PRUNE2: variants seen among roughly 807,000 people sequenced by gnomAD.
The protein encoded by PRUNE2 is protein prune homolog 2.
A neutral mutation model predicts 252.0 loss-of-function variants in PRUNE2; 164 were observed. The observed-to-expected ratio is 0.65, with a 90% CI of 0.57 to 0.74. PRUNE2 has a LOEUF of 0.74. PRUNE2 is among the 30% of genes least tolerant of loss of function. The pLI, the probability that PRUNE2 is intolerant of heterozygous loss-of-function variation, is 0.00. For synonymous variants in PRUNE2, 1,292 were observed against 1,350.2 expected, an observed-to-expected ratio of 0.96 and a Z score of 0.94; for missense variants, 3,495 against 3,711.0, an observed-to-expected ratio of 0.94 and a Z score of 1.51.
At chr9:76,722,548 A>T (rs1233587147) in intron 6 of PRUNE2, among the ~76,000 whole-genome samples, 2 of 152,220 alleles carry the variant, frequency 1.3e-5, no homozygotes, top group Non-Finnish European at 2.9e-5. Context: ...TGAAAATTAA[A>T]ACTACTACAA....
chr9:76,814,567 C>T (rs186044579), intron 6 of PRUNE2, among the ~76,000 whole-genome samples: 3 of 152,280 alleles, frequency 2.0e-5, no homozygotes, highest in Admixed American at 2.0e-4. Context: ...TGACCTGCTA[C>T]ACAGCAATAG....
chr9:76,746,699 G>A lies in PRUNE2; in HGVS notation c.757-32978C>T, dbSNP rs1394457322. ...CGCAGTCCGGCCTGGGCAACAGAGC[G>A]AGACTCCGTCTCAAAAAAAAAAAAA... On this transcript the variant is annotated intron_variant, in intron 6 of 18. Coordinates refer to ENST00000376718, the MANE Select transcript of PRUNE2 (RefSeq NM_015225.3). Among the ~76,000 whole-genome samples, 14 of 102,734 alleles carry A rather than the reference G, an allele frequency of 1.4e-4. No individual in the cohort carries two copies. The South Asian group carries it at 4.9e-3, about 36-fold the overall frequency. 67.4% of individuals were successfully genotyped at this position (102,734 alleles called of 152,430 possible). A position where few individuals can be genotyped will look rare whatever the true frequency, so the allele number is the denominator to read the frequency against.
At chr9:76,684,990 G>C (rs961393075) in intron 9 of PRUNE2, among the ~76,000 whole-genome samples, 6 of 152,234 alleles carry the variant, frequency 3.9e-5, no homozygotes, top group African/African-American at 1.4e-4. Context: ...GACCTCAAGT[G>C]ATCCACCCTG....
chr9:76,643,746 T>C (rs915402865), intron 12 of PRUNE2, among the ~76,000 whole-genome samples: 2 of 152,216 alleles, frequency 1.3e-5, no homozygotes, highest in African/African-American at 4.8e-5. Context: ...CTGATACTTA[T>C]GTGGGGGTAG....
intron 17 of PRUNE2, among the ~76,000 whole-genome samples, chr9:76,623,310 T>C (rs543575087): frequency 6.6e-6 from 1 of 152,112 alleles, no homozygotes; most frequent in East Asian, 1.9e-4. Context: ...TTTTTTTTTT[T>C]TTTGAGATGG....
At chr9:76,785,627 T>C (rs2054894952) in intron 6 of PRUNE2, 1 of 152,184 alleles carries the variant, frequency 6.6e-6, no homozygotes, top group Non-Finnish European at 1.5e-5. Flanking sequence ...GTGTTTGTCC[T>C]TGTAGTTAAT....
chr9:76,745,889 C>T (rs2050061587), intron 6 of PRUNE2, among the ~76,000 whole-genome samples: 1 of 152,200 alleles, frequency 6.6e-6, no homozygotes, highest in South Asian at 2.1e-4. Flanking sequence ...GCATGTGATT[C>T]AAGCTGCACT....
chr9:76,708,720 ACCTGATTTG>A lies in PRUNE2; in HGVS notation c.3545_3553del (p.Ala1182_Gln1184del). On this transcript the variant is annotated inframe_deletion, in exon 8 of 19. Coordinates refer to ENST00000376718, the MANE Select transcript of PRUNE2 (RefSeq NM_015225.3). ...ATCAGAGGCAGGGAGCTCCCAATCT[ACCTGATTTG>A]CTTCCTGATACTCCAAGCCCCAGGG... 6.2e-7 allele frequency: 1 copy of A among 1,613,774 alleles called. No homozygotes were observed. The highest frequency in any genetic ancestry group is 2.2e-5 in the East Asian group (1 of 44,838).
chr9:76,830,895 A>AT (rs1310984060), intron 4 of PRUNE2, among the ~76,000 whole-genome samples: 1 of 151,878 alleles, frequency 6.6e-6, no homozygotes, highest in Admixed American at 6.6e-5. Flanking sequence ...ATATAAAACA[A>AT]TTGCCCATCT....
Position 76,637,429 on chromosome 9 carries a change from C to G in PRUNE2, c.8952G>C (p.Met2984Ile), listed in dbSNP as rs1840651428. The change falls in exon 14 of 19, where the codon ATG becomes ATC. Residue 2984 changes from methionine (M) to isoleucine (I), a missense_variant. Transcript: ENST00000376718. ...GLGWMKKCYQ[M>I]IDRRLRKNLK... ...TAGAGCCCACATACCGTCTGTCAAT[C>G]ATCTGGTAGCATTTCTTCATCCAGC... 6.2e-7 allele frequency: 1 copy of G among 1,613,596 alleles called. No homozygotes were observed. The highest frequency in any genetic ancestry group is 8.5e-7 in the Non-Finnish European group (1 of 1,179,752).
chr9:76,688,261 CAAAG>C (rs1276725008), intron 9 of PRUNE2, among the ~76,000 whole-genome samples: 1 of 152,166 alleles, frequency 6.6e-6, no homozygotes, highest in Non-Finnish European at 1.5e-5. Flanking sequence ...CTCTTGGCAA[CAAAG>C]AAAGTGTAGT....
intron 6 of PRUNE2, among the ~76,000 whole-genome samples, chr9:76,774,107 T>G (rs2053422735): frequency 6.6e-6 from 1 of 152,118 alleles, no homozygotes; most frequent in Non-Finnish European, 1.5e-5. Flanking sequence ...GGGAAAAGAA[T>G]AGGTTTGATT....
chr9:76,652,675 T>C lies in PRUNE2; in HGVS notation c.8365A>G (p.Asn2789Asp). 1 of 1,607,214 alleles carries C rather than the reference T, an allele frequency of 6.2e-7. No individual in the cohort carries two copies. The highest frequency in any genetic ancestry group is 8.5e-7 in the Non-Finnish European group (1 of 1,174,024). The change falls in exon 11 of 19, where the codon AAT becomes GAT. Residue 2789 changes from asparagine (N) to aspartate (D), a missense_variant. By Grantham distance (23) the Asn-to-Asp change is conservative. Transcript: ENST00000376718. ...SAADMRPEPPNSLDLNDTHPR... is the reference protein window; with the variant it reads ...SAADMRPEPPDSLDLNDTHPR... ...TGAGTGTCATTAAGATCCAGAGAATTAGGAGGTTCTAAAGAAGAAAGAGAA... is the reference window on the plus strand; with the variant it reads ...TGAGTGTCATTAAGATCCAGAGAATCAGGAGGTTCTAAAGAAGAAAGAGAA...
At chr9:76,773,173 T>C (rs2053304031) in intron 6 of PRUNE2, among the ~76,000 whole-genome samples, 1 of 152,176 alleles carries the variant, frequency 6.6e-6, no homozygotes, top group Non-Finnish European at 1.5e-5. Context: ...AAGCGGTCTT[T>C]TGTTGTTGTT....
intron 1 of PRUNE2, among the ~76,000 whole-genome samples, chr9:76,863,667 A>G (rs896596415): frequency 3.3e-5 from 5 of 152,172 alleles, no homozygotes; most frequent in Non-Finnish European, 7.3e-5. Flanking sequence ...TCTGTACAAT[A>G]TTTTCCCCAA....
intron 1 of PRUNE2, among the ~76,000 whole-genome samples, chr9:76,884,725 T>C (rs1489559846): frequency 6.6e-6 from 1 of 152,214 alleles, no homozygotes; most frequent in Non-Finnish European, 1.5e-5. Flanking sequence ...AATGGATCCC[T>C]GCATGGGAGA....
At chr9:76,720,961 C>T (rs2047591761) in intron 6 of PRUNE2, among the ~76,000 whole-genome samples, 1 of 151,986 alleles carries the variant, frequency 6.6e-6, no homozygotes, top group Non-Finnish European at 1.5e-5. Context: ...ATTAGCCAGG[C>T]GTGGTGACCG....
chr9:76,637,126 C>T (rs183728897), intron 14 of PRUNE2, among the ~76,000 whole-genome samples: 7 of 152,200 alleles, frequency 4.6e-5, no homozygotes, highest in Admixed American at 2.0e-4. Context: ...ATGATTCAAA[C>T]GTCATTTTCT....
rs753354658 is a variant in PRUNE2, at chr9:76,705,832, C to T, written c.6442G>A (p.Glu2148Lys). ...EPEIDEEPIY[E>K]PGREFVPSNA... ...GATGGGACAAACTCCCGTCCAGGCTCATAAATGGGTTCTTCATCTATCTCT... is the reference window on the plus strand; with the variant it reads ...GATGGGACAAACTCCCGTCCAGGCTTATAAATGGGTTCTTCATCTATCTCT... The change falls in exon 8 of 19, where the codon GAG becomes AAG. Residue 2148 changes from glutamate to lysine, a missense_variant. By Grantham distance (56) the Glu-to-Lys change is moderately conservative (BLOSUM62 1). Transcript: ENST00000376718. The T allele has an allele frequency of 5.0e-6, 8 of 1,613,620 alleles. No individual in the cohort carries two copies. Among genetic ancestry groups the T allele is most frequent in the African/African-American group, 4.0e-5 (3 of 75,038 alleles).
Sources: allele counts gnomAD v4.1 joint callset (sites outside exome capture counted in the v4.1 genomes callset), GRCh38; gene constraint gnomAD v4.1.1; transcripts MANE v1.5; gene names NCBI Gene and HGNC (gene_info 2026-07-23, HGNC 2026-07-21).